BRF1: variants seen among roughly 807,000 people sequenced by gnomAD.
BRF1 encodes BRF1 general transcription factor IIIB subunit.
BRF1 carries 59 observed loss-of-function variants against 81.7 expected under a neutral mutation model. That is an observed-to-expected ratio of 0.72 (90% CI 0.59 to 0.90). BRF1 has a LOEUF of 0.90. Ranked by LOEUF, BRF1 falls within the 40% of genes least tolerant of loss-of-function variation. The pLI is 0.00. For synonymous variants in BRF1, 491 were observed against 395.6 expected, an observed-to-expected ratio of 1.24 and a Z score of -2.86; for missense variants, 1,050 against 936.3, an observed-to-expected ratio of 1.12 and a Z score of -1.58.
intron 12 of BRF1, chr14:105,219,701 C>G: frequency 2.4e-6 from 1 of 413,198 alleles, no homozygotes; most frequent in Non-Finnish European, 4.4e-6. Flanking sequence ...GGCTGGAAGC[C>G]CTGGGGTTTG....
intron 1 of BRF1, among the ~76,000 whole-genome samples, chr14:105,286,734 T>C (rs913735703): frequency 1.3e-5 from 2 of 152,196 alleles, no homozygotes; most frequent in Non-Finnish European, 2.9e-5. Context: ...GCCTTCCAAG[T>C]AGCTGGGACT....
Position 105,269,847 on chromosome 14 carries a change from G to C in BRF1, c.439+2874C>G, listed in dbSNP as rs976431897. Among the ~76,000 whole-genome samples, 1 of 152,190 alleles carries C rather than the reference G, an allele frequency of 6.6e-6. No individual in the cohort carries two copies. The highest frequency in any genetic ancestry group is 2.4e-5 in the African/African-American group (1 of 41,450). Reference sequence around the variant, plus strand: ...GTCCCAGTGCCGGCCTGCACCCTAGGCCCTGCTCCACAGCAGTCCCCACAC... The same window carrying C: ...GTCCCAGTGCCGGCCTGCACCCTAGCCCCTGCTCCACAGCAGTCCCCACAC... On this transcript the variant is annotated intron_variant, in intron 3 of 17. Coordinates refer to ENST00000547530, the MANE Select transcript of BRF1 (RefSeq NM_001519.4). The surrounding 1 kb of genome is among the most constrained non-coding windows in gnomAD (Gnocchi z 5.0).
intron 15 of BRF1, among the ~76,000 whole-genome samples, chr14:105,215,886 TACAG>T (rs1224364549): frequency 3.8e-5 from 2 of 52,286 alleles, no homozygotes; most frequent in Non-Finnish European, 3.7e-5. Context: ...GCTGCAGGCA[TACAG>T]ACACAGGCAC....
upstream of BRF1, among the ~76,000 whole-genome samples, chr14:105,302,016 G>A (rs587688442): frequency 7.9e-5 from 12 of 152,116 alleles, no homozygotes; most frequent in African/African-American, 2.9e-4. Context: ...GTGGGCGCCT[G>A]TAATCCCAGC....
At chr14:105,314,909 G>T (rs1208222855) in intron 1 of BRF1, 1 of 1,005,370 alleles carries the variant, frequency 9.9e-7, no homozygotes, top group Non-Finnish European at 1.2e-6. Context: ...GGAGCGGCGG[G>T]GCCGGCGCCA....
At chr14:105,213,759 G>A (rs886894365) in intron 15 of BRF1, among the ~76,000 whole-genome samples, 1 of 152,178 alleles carries the variant, frequency 6.6e-6, no homozygotes, top group African/African-American at 2.4e-5. Flanking sequence ...GCCTCACCCT[G>A]GGGGGCCAGA....
chr14:105,279,180 G>T (rs587673883), intron 2 of BRF1, among the ~76,000 whole-genome samples: 1 of 152,220 alleles, frequency 6.6e-6, no homozygotes, highest in Admixed American at 6.5e-5. Context: ...CTGCACTCCA[G>T]CCCGGACCAC....
intron 3 of BRF1, among the ~76,000 whole-genome samples, chr14:105,259,150 A>C (rs1486338939): frequency 1.3e-5 from 2 of 152,142 alleles, no homozygotes; most frequent in African/African-American, 4.8e-5. Flanking sequence ...AAGAGAAATA[A>C]AAACAGATGT....
chr14:105,241,311 C>G lies in BRF1; in HGVS notation c.648G>C (p.Arg216=). ...GGCGCCGGCCTGTGTGCATCCAGTC[C>G]CGCTTCATCCTCTGTAGGAGCCTCA... The part of the protein sequence containing the change: ...TALRLLQRMK[R]DWMHTGRRPS... Residue 216 remains arginine (R), a synonymous_variant, in exon 6 of 18, where the codon CGG becomes CGC. Coordinates refer to ENST00000547530, the MANE Select transcript of BRF1 (RefSeq NM_001519.4). 3 of 1,612,696 alleles carry G rather than the reference C, an allele frequency of 1.9e-6. No homozygotes were observed. Among genetic ancestry groups the G allele is most frequent in the Non-Finnish European group, 2.5e-6 (3 of 1,179,916 alleles).
chr14:105,277,695 C>T lies in BRF1; in HGVS notation c.266-4801G>A, dbSNP rs587644996. ...CTTTCTGGTCTATGGTGTTCTGTTA[C>T]AGCAGCCCAAAAGGACTAAAATGGG... On this transcript the variant is annotated intron_variant, in intron 2 of 17. Coordinates refer to ENST00000547530, the MANE Select transcript of BRF1 (RefSeq NM_001519.4). Among the ~76,000 whole-genome samples, 4 of 152,372 alleles carry T rather than the reference C, an allele frequency of 2.6e-5. No individual in the cohort carries two copies. In the East Asian group the frequency reaches 7.7e-4, roughly 29 times the overall value.
intron 2 of BRF1, among the ~76,000 whole-genome samples, chr14:105,273,726 C>T (rs1050643456): frequency 6.6e-6 from 1 of 152,202 alleles, no homozygotes; most frequent in African/African-American, 2.4e-5. Context: ...TGGTAAAAGT[C>T]ATCGCCATTC....
intron 3 of BRF1, among the ~76,000 whole-genome samples, chr14:105,261,982 G>A (rs2056180151): frequency 6.6e-6 from 1 of 152,346 alleles, no homozygotes; most frequent in East Asian, 1.9e-4. Flanking sequence ...AACACCACCT[G>A]GCACGGGAAC....
At chr14:105,229,709 G>A (rs1245224143) in intron 6 of BRF1, among the ~76,000 whole-genome samples, 18 of 121,892 alleles carry the variant, frequency 1.5e-4, no homozygotes, top group Admixed American at 4.3e-4. Context: ...GGAGAGAGAG[G>A]CCACACCACT....
rs750808869 is a variant in BRF1, at chr14:105,226,236, A to G, written c.955+15T>C. 3.1e-6 allele frequency: 5 copies of G among 1,613,990 alleles called. No individual in the cohort carries two copies. The highest frequency in any genetic ancestry group is 4.2e-6 in the Non-Finnish European group (5 of 1,180,030). On this transcript the variant is annotated intron_variant, in intron 9 of 17. Coordinates refer to ENST00000547530, the MANE Select transcript of BRF1 (RefSeq NM_001519.4). ...AACAAAACAGAAGCATTACATGGGA[A>G]GATTGGTTGGTTACCTTCAACCTCC... is the stretch of plus-strand genomic sequence containing the variant.
At chr14:105,243,024 G>A (rs1398302147) in intron 5 of BRF1, among the ~76,000 whole-genome samples, 2 of 152,024 alleles carry the variant, frequency 1.3e-5, no homozygotes, top group African/African-American at 4.8e-5. Flanking sequence ...GCTGAGGCAG[G>A]AGAATCGCTT....
chr14:105,252,225 A>G (rs960674460), intron 5 of BRF1, among the ~76,000 whole-genome samples: 1 of 152,180 alleles, frequency 6.6e-6, no homozygotes, highest in African/African-American at 2.4e-5. Context: ...CTGTAATCCC[A>G]GTGCTTTGGG....
chr14:105,259,110 CCCACCTATT>C (rs2056032915), intron 3 of BRF1, among the ~76,000 whole-genome samples: 2 of 152,110 alleles, frequency 1.3e-5, no homozygotes, highest in African/African-American at 4.8e-5. Context: ...ACACCTCTGA[CCCACCTATT>C]CCACTCCTAG....
At position 105,275,665 on chromosome 14, in the gene BRF1, G is replaced by A. The variant is rs193158368; in HGVS notation, c.266-2771C>T. ...GGCCACACACTTGAGGCTGGGACTC[G>A]ATCCCAAGCCCCGACCCCACAGGCA... On this transcript the variant is annotated intron_variant, in intron 2 of 17. Coordinates refer to ENST00000547530, the MANE Select transcript of BRF1 (RefSeq NM_001519.4). 2.6e-5 allele frequency among the ~76,000 whole-genome samples: 4 copies of A among 152,374 alleles called. No homozygotes were observed. In the East Asian group the frequency reaches 5.8e-4, roughly 22 times the overall value.
chr14:105,292,013 A>G (rs1181360386), intron 1 of BRF1, among the ~76,000 whole-genome samples: 2 of 152,108 alleles, frequency 1.3e-5, no homozygotes, highest in African/African-American at 2.4e-5. Flanking sequence ...AGAAAAAAAA[A>G]GAAGTCTCAC....
Sources: allele counts gnomAD v4.1 joint callset (sites outside exome capture counted in the v4.1 genomes callset), GRCh38; gene constraint gnomAD v4.1.1; non-coding constraint Gnocchi (gnomAD v3.1); transcripts MANE v1.5; gene names NCBI Gene and HGNC (gene_info 2026-07-23, HGNC 2026-07-21).